FAM200B: variants seen among roughly 807,000 people sequenced by gnomAD.
FAM200B encodes the protein zinc finger BED-type containing 11, also known as protein FAM200B.
A neutral mutation model predicts 33.1 loss-of-function variants in FAM200B; 32 were observed. The ratio of observed to expected loss-of-function variants is 0.97; its 90% confidence interval spans 0.73 to 1.30. FAM200B has a LOEUF of 1.30. Ranked by LOEUF, FAM200B falls within the 50% of genes most tolerant of loss-of-function variation. The probability of loss-of-function intolerance (pLI) is 0.00; values close to 1 mark genes in which losing one functional copy is unlikely to be tolerated. For missense variants in FAM200B, 741 were observed against 754.0 expected (o/e 0.98, Z 0.20); for synonymous variants, 240 against 264.8 (o/e 0.91, Z 0.91).
At chr4:15,679,108 G>T (rs902702366), upstream of FAM200B, among the ~76,000 whole-genome samples, 1 of 146,858 alleles carries the variant, frequency 6.8e-6, no homozygotes, top group African/African-American at 2.5e-5. Flanking sequence ...CTCTCACCAG[G>T]CTGGAGTGCA....
chr4:15,664,414 A>G, the FAM200B span, among the ~76,000 whole-genome samples: 3 of 152,072 alleles, frequency 2.0e-5, no homozygotes, highest in African/African-American at 7.2e-5. Context: ...ACTAATTCCT[A>G]TTGAACAGGA....
the FAM200B span, among the ~76,000 whole-genome samples, chr4:15,665,314 C>T: frequency 2.8e-4 from 43 of 152,116 alleles, no homozygotes; most frequent in Non-Finnish European, 5.0e-4. Flanking sequence ...GCATCAGATG[C>T]GGTGTCAGGC....
At position 15,688,607 on chromosome 4, in the gene FAM200B, C is replaced by T. The variant is rs780814054; in HGVS notation, c.1630C>T (p.Arg544Ter). ...NSWVKDPFAF[R>*]HPESIIELNL... ...TTGGGTAAAAGATCCATTTGCTTTTCGACACCCTGAATCAATAATTGAGCT... is the reference window on the plus strand; with the variant it reads ...TTGGGTAAAAGATCCATTTGCTTTTTGACACCCTGAATCAATAATTGAGCT... The change falls in exon 2 of 2, where the codon CGA becomes TGA. Residue 544 changes from arginine to a stop codon, truncating the protein, a stop_gained. Transcript: ENST00000422728. LOFTEE classifies it high-confidence loss of function. 3.7e-5 allele frequency: 58 copies of T among 1,551,018 alleles called. No individual in the cohort carries two copies. In the South Asian group the frequency reaches 4.5e-4, roughly 12 times the overall value.
chr4:15,650,789 T>C, the FAM200B span, among the ~76,000 whole-genome samples: 2 of 149,302 alleles, frequency 1.3e-5, no homozygotes, highest in Admixed American at 6.8e-5. Context: ...CCCGCCACCA[T>C]GCCCAGCTAA....
At chr4:15,656,423 C>T in the FAM200B span, 1 of 390,832 alleles carries the variant, frequency 2.6e-6, no homozygotes, top group Non-Finnish European at 5.1e-6. Flanking sequence ...TGGCCAGAAC[C>T]TCCAGGAGGG....
chr4:15,644,378 A>G, the FAM200B span: 1 of 833,716 alleles, frequency 1.2e-6, no homozygotes, highest in African/African-American at 1.7e-5. Flanking sequence ...ACAAGTGACA[A>G]AATAATTTTT....
At chr4:15,644,412 A>T in the FAM200B span, 1 of 1,129,458 alleles carries the variant, frequency 8.9e-7, no homozygotes. Flanking sequence ...CATTTACTAT[A>T]AAACAGTGAC....
intron 1 of FAM200B, among the ~76,000 whole-genome samples, chr4:15,685,479 G>C (rs1718752941): frequency 1.3e-5 from 2 of 152,142 alleles, no homozygotes; most frequent in Non-Finnish European, 2.9e-5. Context: ...TTGCCTGGTA[G>C]CTGGTCTGGA....
chr4:15,645,709 A>G, the FAM200B span, among the ~76,000 whole-genome samples: 183 of 152,032 alleles, frequency 1.2e-3, no homozygotes, highest in Non-Finnish European at 8.1e-4. Flanking sequence ...TTACAGGTAT[A>G]AGCTACCACG....
At chr4:15,675,264 C>T in the FAM200B span, among the ~76,000 whole-genome samples, 1 of 151,938 alleles carries the variant, frequency 6.6e-6, no homozygotes. Context: ...TTAATTTATA[C>T]TTAACATTTA....
At chr4:15,665,791 C>T in the FAM200B span, among the ~76,000 whole-genome samples, 13 of 152,068 alleles carry the variant, frequency 8.5e-5, no homozygotes, top group Non-Finnish European at 1.8e-4. Flanking sequence ...AAAAAAAGAA[C>T]CCAGTAAAAT....
upstream of FAM200B, among the ~76,000 whole-genome samples, chr4:15,679,088 C>T (rs1443693071): frequency 3.8e-5 from 5 of 132,810 alleles, no homozygotes; most frequent in South Asian, 2.4e-4. Context: ...TTTTTTGAGA[C>T]GGAGTCTCAC....
the FAM200B span, among the ~76,000 whole-genome samples, chr4:15,666,881 AAGAC>A: frequency 6.6e-6 from 1 of 152,152 alleles, no homozygotes; most frequent in African/African-American, 2.4e-5. Context: ...TAAAAAAAAA[AAGAC>A]AGGCAAATGG....
chr4:15,680,941 T>C (rs1718226212), upstream of FAM200B, among the ~76,000 whole-genome samples: 1 of 148,836 alleles, frequency 6.7e-6, no homozygotes, highest in African/African-American at 2.4e-5. Flanking sequence ...ATATTCTCCT[T>C]TATATGTTTT....
At chr4:15,667,965 C>T in the FAM200B span, among the ~76,000 whole-genome samples, 6 of 151,066 alleles carry the variant, frequency 4.0e-5, no homozygotes, top group Non-Finnish European at 7.4e-5. Context: ...CGCTTGAACT[C>T]GGGAGGTGGA....
At chr4:15,644,515 T>A in the FAM200B span, 1 of 1,611,952 alleles carries the variant, frequency 6.2e-7, no homozygotes, top group Non-Finnish European at 8.5e-7. Flanking sequence ...CAGTCCCTTT[T>A]CAAAGAGGCT....
the FAM200B span, chr4:15,644,583 T>C: frequency 5.5e-5 from 88 of 1,614,174 alleles, no homozygotes; most frequent in Non-Finnish European, 5.4e-5. Context: ...GGCTGCGTTG[T>C]TGAAGCAAAC....
the FAM200B span, chr4:15,638,747 C>T: frequency 1.8e-6 from 2 of 1,126,672 alleles, no homozygotes; most frequent in Non-Finnish European, 2.5e-6. Context: ...TGTTGATTTA[C>T]TCTAAACCCT....
At chr4:15,673,973 C>T in the FAM200B span, among the ~76,000 whole-genome samples, 1 of 152,142 alleles carries the variant, frequency 6.6e-6, no homozygotes, top group Non-Finnish European at 1.5e-5. Context: ...TCTTGGAAAA[C>T]ATTGTTTTAT....
Sources: gnomAD v4.1 joint callset for allele counts (sites outside exome capture counted in the v4.1 genomes callset) on GRCh38, gnomAD v4.1.1 for gene constraint, MANE v1.5 for transcripts, NCBI Gene and HGNC (gene_info 2026-07-23, HGNC 2026-07-21) for gene names.